NEK1: variants seen among roughly 807,000 people sequenced by gnomAD.
NEK1 encodes NIMA related kinase 1.
In NEK1, 137 loss-of-function variants were observed where a neutral mutation model predicts 182.1. The observed-to-expected ratio is 0.75, with a 90% confidence interval of 0.65 to 0.87. The LOEUF (loss-of-function observed/expected upper bound fraction) is 0.87, where lower values mean the gene tolerates loss of function less well. Ranked by LOEUF, NEK1 falls within the 40% of genes least tolerant of loss-of-function variation. NEK1 has a pLI of 0.00. For missense variants in NEK1, 1,391 were observed against 1,494.4 expected (o/e 0.93, Z 1.14); for synonymous variants, 513 against 492.2 (o/e 1.04, Z -0.56).
chr4:169,438,912 C>T (rs1031937521), intron 27 of NEK1, among the ~76,000 whole-genome samples: 1 of 152,178 alleles, frequency 6.6e-6, no homozygotes, highest in Non-Finnish European at 1.5e-5. Flanking sequence ...TCTTAGAGAA[C>T]TTGTCATTAA....
intron 26 of NEK1, among the ~76,000 whole-genome samples, chr4:169,473,561 A>G (rs907534100): frequency 6.6e-6 from 1 of 152,132 alleles, no homozygotes; most frequent in Non-Finnish European, 1.5e-5. Context: ...ATAAATATTT[A>G]AAGTACAGAA....
chr4:169,438,269 C>A lies in NEK1; in HGVS notation c.2588-10G>T. ...CCTTCGGGAGAAATCTCTGTGAAAA[C>A]AAAAAATAAAAAATCATGCTAGTTC... On this transcript the variant is annotated splice_polypyrimidine_tract_variant and intron_variant, in intron 27 of 35. Transcript: ENST00000507142. 2 of 1,511,594 alleles carry A rather than the reference C, an allele frequency of 1.3e-6. No homozygotes were observed. The highest frequency in any genetic ancestry group is 1.3e-5 in the South Asian group (1 of 77,110). The allele number at this position is 1,511,594 out of a possible 1,614,324, so 93.6% of individuals were successfully genotyped here.
intron 32 of NEK1, 58 bp from the exon 33 acceptor site, chr4:169,401,918 A>G: frequency 7.1e-7 from 1 of 1,406,120 alleles, no homozygotes; most frequent in Non-Finnish European, 9.7e-7. Context: ...ACCAAGTTAA[A>G]CAACTAAAAC....
At chr4:169,416,603 A>G (rs1242974360) in intron 31 of NEK1, among the ~76,000 whole-genome samples, 3 of 152,240 alleles carry the variant, frequency 2.0e-5, no homozygotes, top group African/African-American at 7.2e-5. Context: ...GTACTCAAAG[A>G]TTAAGATTAA....
chr4:169,401,834 A>G lies in NEK1; in HGVS notation c.3401T>C (p.Leu1134Ser). 6.2e-7 allele frequency: 1 copy of G among 1,612,464 alleles called. No individual in the cohort carries two copies. The highest frequency in any genetic ancestry group is 2.2e-5 in the East Asian group (1 of 44,882). Reference protein sequence around the residue: ...DIVFEETDTDLQELQASMEQL... With the variant: ...DIVFEETDTDSQELQASMEQL... ...TTCCATCGAGGCCTGCAGCTCTTGT[A>G]AATCTGTGTCAGTTTCTTCAAACAC... The change falls in exon 33 of 36, where the codon TTA becomes TCA. Residue 1134 changes from leucine (L) to serine (S), a missense_variant. By Grantham distance (145) the Leu-to-Ser change is moderately radical (BLOSUM62 -2). Transcript: ENST00000507142.
intron 35 of NEK1, among the ~76,000 whole-genome samples, chr4:169,399,873 CT>C (rs1731359920): frequency 6.6e-6 from 1 of 152,152 alleles, no homozygotes; most frequent in Non-Finnish European, 1.5e-5. Context: ...CATCCTCCCA[CT>C]TAAGCCTCCC....
At chr4:169,518,420 C>T (rs993993863) in intron 19 of NEK1, among the ~76,000 whole-genome samples, 4 of 140,366 alleles carry the variant, frequency 2.8e-5, no homozygotes, top group South Asian at 2.3e-4. Flanking sequence ...GTCTTAATAG[C>T]GGTCTATCAA....
At chr4:169,455,662 T>C (rs547417375) in intron 27 of NEK1, among the ~76,000 whole-genome samples, 4 of 152,220 alleles carry the variant, frequency 2.6e-5, no homozygotes, top group South Asian at 4.1e-4. Flanking sequence ...CCCAATACAA[T>C]AATACCTGGA....
intron 8 of NEK1, 68 bp downstream of exon 8, chr4:169,588,581 G>C: frequency 1.2e-6 from 1 of 865,506 alleles, no homozygotes; most frequent in Non-Finnish European, 1.9e-6. Flanking sequence ...GTATTCCAAA[G>C]GTTAATAAAC....
In NEK1 at chr4:169,602,579, C is replaced by T. The variant is rs761234040; in HGVS notation, c.52G>A (p.Ala18Thr). The T allele has an allele frequency of 3.7e-6, 6 of 1,609,856 alleles. No homozygotes were observed. The Admixed American group carries it at 1.0e-4, about 27-fold the overall frequency. The change falls in exon 3 of 36, where the codon GCC (alanine) becomes ACC (threonine). Residue 18 changes from alanine to threonine, a missense_variant. This residue lies in a region of NEK1 where 42 missense variants were observed against 47.9 expected (regional missense o/e 0.88). Transcript: ENST00000507142. ...QKIGEGSFGK[A>T]ILVKSTEDGR... ...TCTTCTGTAGATTTAACAAGAATGGCTTTTCCAAATGAACCTTCTCCAATC... is the reference window on the plus strand; with the variant it reads ...TCTTCTGTAGATTTAACAAGAATGGTTTTTCCAAATGAACCTTCTCCAATC...
chr4:169,475,800 T>C lies in NEK1; in HGVS notation c.2434+1324A>G, dbSNP rs368716297. The stretch of plus-strand genomic sequence containing the variant: ...ACTTCTGGAGGTGAAAACTACAATA[T>C]CTGAGATGAAAAGTACATTGAATAG... On this transcript the variant is annotated intron_variant, in intron 26 of 35. Transcript: ENST00000507142. 2.6e-5 allele frequency among the ~76,000 whole-genome samples: 4 copies of C among 152,104 alleles called. No individual in the cohort carries two copies. The East Asian group carries it at 7.7e-4, about 29-fold the overall frequency.
chr4:169,420,833 T>C (rs1019558307), intron 31 of NEK1, among the ~76,000 whole-genome samples: 2 of 151,922 alleles, frequency 1.3e-5, no homozygotes, highest in African/African-American at 4.8e-5. Flanking sequence ...AGAAAACAAA[T>C]AGCAAAATGG....
intron 16 of NEK1, among the ~76,000 whole-genome samples, chr4:169,560,864 C>G (rs1248401101): frequency 1.3e-5 from 2 of 151,370 alleles, no homozygotes; most frequent in African/African-American, 2.4e-5. Context: ...GGTGGATCTA[C>G]CCAGAAGGAA....
chr4:169,538,826 C>T (rs1758914563), intron 18 of NEK1, among the ~76,000 whole-genome samples: 1 of 152,092 alleles, frequency 6.6e-6, no homozygotes. Context: ...TGAAATAAAT[C>T]TCAGTCTCCT....
rs948660540 is a variant in NEK1, at chr4:169,569,702, C to T, written c.1020+7226G>A. 5.3e-5 allele frequency among the ~76,000 whole-genome samples: 8 copies of T among 152,184 alleles called. No individual in the cohort carries two copies. The South Asian group carries it at 6.2e-4, about 12-fold the overall frequency. ...GGAGACGGGGTTTCGCTGTGTTGGC[C>T]GGGCTGGTCTCCAGCTCCTAACTGC... On this transcript the variant is annotated intron_variant, in intron 12 of 35. Coordinates refer to ENST00000507142, the MANE Select transcript of NEK1 (RefSeq NM_001199397.3).
intron 31 of NEK1, among the ~76,000 whole-genome samples, chr4:169,408,455 T>C (rs559538999): frequency 2.2e-4 from 34 of 152,322 alleles, no homozygotes; most frequent in Admixed American, 2.2e-3. Flanking sequence ...TTCCTTTTCA[T>C]ATTTTAAACA....
intron 5 of NEK1, among the ~76,000 whole-genome samples, chr4:169,594,503 T>C (rs572261902): frequency 5.4e-4 from 83 of 152,358 alleles, no homozygotes; most frequent in African/African-American, 1.9e-3. Flanking sequence ...AGATATTTCA[T>C]GTCTACCAGA....
At chr4:169,484,231 TA>T (rs1748644457) in intron 23 of NEK1, among the ~76,000 whole-genome samples, 1 of 152,234 alleles carries the variant, frequency 6.6e-6, no homozygotes, top group African/African-American at 2.4e-5. Flanking sequence ...GTATTTTTAG[TA>T]GAAATGGGAT....
intron 35 of NEK1, among the ~76,000 whole-genome samples, chr4:169,399,504 G>C (rs1273643734): frequency 6.6e-6 from 1 of 152,060 alleles, no homozygotes; most frequent in Admixed American, 6.5e-5. Flanking sequence ...TTGAGCCCAG[G>C]GGGTGGAGGT....
Sources: gnomAD v4.1 joint callset for allele counts (sites outside exome capture counted in the v4.1 genomes callset) on GRCh38, gnomAD v4.1.1 for gene constraint, gnomAD v4.1.1 regional missense constraint, MANE v1.5 for transcripts, NCBI Gene and HGNC (gene_info 2026-07-23, HGNC 2026-07-21) for gene names.